FREM1: variants seen among roughly 807,000 people sequenced by gnomAD.
FREM1 encodes FRAS1-related extracellular matrix protein 1.
FREM1 carries 220 observed loss-of-function variants against 210.1 expected under a neutral mutation model. That is an observed-to-expected ratio of 1.05 (90% CI 0.94 to 1.17). The LOEUF (loss-of-function observed/expected upper bound fraction) is 1.17, where lower values mean the gene tolerates loss of function less well. Among genes scored for constraint, FREM1 ranks in the 50% most tolerant of loss-of-function variants. The pLI, the probability that FREM1 is intolerant of heterozygous loss-of-function variation, is 0.00. For missense variants in FREM1, 3,454 were observed against 2,675.5 expected (o/e 1.29, Z -6.42); for synonymous variants, 1,189 against 980.2 (o/e 1.21, Z -3.98).
intron 16 of FREM1, among the ~76,000 whole-genome samples, chr9:14,811,821 G>A (rs1011450240): frequency 6.6e-6 from 1 of 152,000 alleles, no homozygotes; most frequent in Non-Finnish European, 1.5e-5. Context: ...ATAAGAAAAT[G>A]ATTTGAATTC....
intron 27 of FREM1, among the ~76,000 whole-genome samples, chr9:14,769,319 T>G (rs1314045429): frequency 6.6e-6 from 1 of 152,210 alleles, no homozygotes; most frequent in Non-Finnish European, 1.5e-5. Context: ...GACTACCTCA[T>G]TTCCCCGACT....
Position 14,861,338 on chromosome 9 carries a change from C to T in FREM1, c.330-1854G>A, listed in dbSNP as rs1202144796. ...ATATATACACATATATACATATATA[C>T]ACATATATATACATATATACACATA... is the stretch of plus-strand genomic sequence containing the variant. On this transcript the variant is annotated intron_variant, in intron 3 of 36. Transcript: ENST00000380880. 6.5e-5 allele frequency among the ~76,000 whole-genome samples: 8 copies of T among 123,758 alleles called. 2 individuals are homozygous for T. The highest frequency in any genetic ancestry group is 2.7e-4 in the African/African-American group (7 of 25,674). The allele number at this position is 123,758 out of a possible 152,430, so 81.2% of individuals were successfully genotyped here.
chr9:14,897,149 C>T (rs10961779), intron 1 of FREM1, among the ~76,000 whole-genome samples: 37,180 of 152,014 alleles, frequency 0.24, 6,007 homozygotes, highest in East Asian at 0.52. Flanking sequence ...CCAAATTTTA[C>T]GTAAAATAAC....
chr9:14,794,295 G>C (rs1395540357), intron 21 of FREM1, among the ~76,000 whole-genome samples: 2 of 152,192 alleles, frequency 1.3e-5, no homozygotes, highest in Non-Finnish European at 2.9e-5. Flanking sequence ...GCTCAATCCT[G>C]CTGGGTATCT....
chr9:14,804,564 G>A (rs748057969), intron 19 of FREM1, among the ~76,000 whole-genome samples: 3 of 152,112 alleles, frequency 2.0e-5, no homozygotes, highest in Non-Finnish European at 4.4e-5. Context: ...CAGCCTGGGC[G>A]ACAGAGCGGG....
In FREM1 at chr9:14,776,083, G is replaced by A. The variant is rs60091943; in HGVS notation, c.4563C>T (p.Ala1521=). Residue 1521 remains alanine (A), a synonymous_variant, in exon 25 of 37, where the codon GCC becomes GCT. Coordinates refer to ENST00000380880, the MANE Select transcript of FREM1 (RefSeq NM_001379081.2). ...GGAGGTCAGGGGAAAGCAGGCCCAC[G>A]GCCCCTTGGGCCAGTCTCAACCCCT... is the stretch of plus-strand genomic sequence containing the variant. The part of the protein sequence containing the change: ...RNKGLRLAQG[A]VGLLSPDLLQ... 10 of 1,611,898 alleles carry A rather than the reference G, an allele frequency of 6.2e-6. No homozygotes were observed. Among genetic ancestry groups the A allele is most frequent in the East Asian group, 2.2e-5 (1 of 44,872 alleles).
rs1491231101 is a variant in FREM1, at chr9:14,860,561, A to ATGTG, written c.330-1078_330-1077insCACA. On this transcript the variant is annotated intron_variant, in intron 3 of 36. Coordinates refer to ENST00000380880, the MANE Select transcript of FREM1 (RefSeq NM_001379081.2). ...TATATATACACATATATATACACACATATATATACACATATATATACACAT... is the reference window on the plus strand; with the variant it reads ...TATATATACACATATATATACACACATGTGTATATATACACATATATATACACAT... Among the ~76,000 whole-genome samples, 134 of 104,772 alleles carry ATGTG rather than the reference A, an allele frequency of 1.3e-3. 2 individuals are homozygous for ATGTG. The highest frequency in any genetic ancestry group is 8.6e-3 in the African/African-American group (118 of 13,646). The allele number at this position is 104,772 out of a possible 152,430, so 68.7% of individuals were successfully genotyped here.
intron 1 of FREM1, among the ~76,000 whole-genome samples, chr9:14,906,686 G>T (rs1326957614): frequency 6.6e-6 from 1 of 152,172 alleles, no homozygotes; most frequent in Non-Finnish European, 1.5e-5. Flanking sequence ...GTAGGCCTTA[G>T]AATGAAGGTA....
At chr9:14,802,243 A>G (rs1158873196) in intron 19 of FREM1, among the ~76,000 whole-genome samples, 1 of 152,214 alleles carries the variant, frequency 6.6e-6, no homozygotes. Context: ...TGAATCTAGA[A>G]CCTTCACCTT....
intron 5 of FREM1, 114 bp from the exon 6 acceptor site, chr9:14,851,721 T>C: frequency 1.1e-6 from 1 of 870,304 alleles, no homozygotes; most frequent in Non-Finnish European, 1.9e-6. Context: ...AGCAGTGACC[T>C]GAAGCCTGGC....
At chr9:14,771,481 C>T (rs1473076707) in intron 25 of FREM1, among the ~76,000 whole-genome samples, 2 of 152,172 alleles carry the variant, frequency 1.3e-5, no homozygotes, top group Admixed American at 6.5e-5. Flanking sequence ...GACATCTTCA[C>T]AACCTACACT....
intron 22 of FREM1, among the ~76,000 whole-genome samples, 152 bp from the exon 23 acceptor site, chr9:14,789,266 T>C (rs1202157773): frequency 6.6e-6 from 1 of 152,218 alleles, no homozygotes; most frequent in African/African-American, 2.4e-5. Flanking sequence ...ACCTGATTTT[T>C]TTTTCTTTTC....
At chr9:14,786,748 C>G (rs1850480726) in intron 23 of FREM1, among the ~76,000 whole-genome samples, 1 of 152,226 alleles carries the variant, frequency 6.6e-6, no homozygotes, top group African/African-American at 2.4e-5. Context: ...ATGCTTTTAT[C>G]TCAAAATGCT....
intron 27 of FREM1, among the ~76,000 whole-genome samples, chr9:14,763,556 G>C (rs755339328): frequency 2.6e-5 from 4 of 152,160 alleles, no homozygotes; most frequent in Non-Finnish European, 5.9e-5. Context: ...GAAAACCACT[G>C]TTGTAAGTGG....
At chr9:14,870,433 C>T (rs1406108675) in intron 1 of FREM1, among the ~76,000 whole-genome samples, 1 of 152,112 alleles carries the variant, frequency 6.6e-6, no homozygotes, top group East Asian at 1.9e-4. Flanking sequence ...CTTAGGTTGG[C>T]TTATTTGGGC....
chr9:14,763,146 G>C (rs957163485), intron 27 of FREM1, among the ~76,000 whole-genome samples: 1 of 152,172 alleles, frequency 6.6e-6, no homozygotes, highest in South Asian at 2.1e-4. Context: ...AGCAGGAGGG[G>C]AAAACTCCCT....
rs1168151258 is a variant in FREM1, at chr9:14,837,443, CCACACACACACACACATACACATACA to C, written c.1881+3978_1881+4003del. On this transcript the variant is annotated intron_variant, in intron 10 of 36. Transcript: ENST00000380880. Reference sequence around the variant, plus strand: ...ATTAAACTCTCTCCACTCCTTAAAACCACACACACACACACATACACATACACACACACACACACAAATGTGCCCAC... The same window carrying C: ...ATTAAACTCTCTCCACTCCTTAAAACCACACACACACACAAATGTGCCCAC... 4.1e-3 allele frequency among the ~76,000 whole-genome samples: 601 copies of C among 146,832 alleles called. 3 individuals carry two copies. Among genetic ancestry groups the C allele is most frequent in the African/African-American group, 0.014 (567 of 40,388 alleles).
At chr9:14,787,474 C>T (rs550858400) in intron 23 of FREM1, among the ~76,000 whole-genome samples, 3 of 152,142 alleles carry the variant, frequency 2.0e-5, no homozygotes, top group South Asian at 4.1e-4. Flanking sequence ...TCCTTTCTTC[C>T]TGGGTGCAAA....
At chr9:14,851,925 T>A (rs1827830061) in intron 5 of FREM1, among the ~76,000 whole-genome samples, 2 of 152,206 alleles carry the variant, frequency 1.3e-5, no homozygotes, top group African/African-American at 4.8e-5. Context: ...TGTTTATCAT[T>A]CTATCTCCAA....
Sources: gnomAD v4.1 joint callset for allele counts (sites outside exome capture counted in the v4.1 genomes callset) on GRCh38, gnomAD v4.1.1 for gene constraint, MANE v1.5 for transcripts, NCBI Gene and HGNC (gene_info 2026-07-23, HGNC 2026-07-21) for gene names.